The following AR variants were observed in gnomAD, a reference collection of about 807,000 sequenced individuals.
The protein encoded by AR is dihydrotestosterone receptor.
AR carries 8 observed loss-of-function variants against 53.9 expected under a neutral mutation model. The ratio of observed to expected loss-of-function variants is 0.15; its 90% CI spans 0.09 to 0.27. The LOEUF is 0.27. Among genes scored for constraint, AR ranks in the 10% least tolerant of loss-of-function variants. The pLI is 1.00. For synonymous variants in AR, 359 were observed against 316.4 expected (o/e 1.13, Z -1.43); for missense variants, 639 against 742.5 (o/e 0.86, Z 1.62).
chrX:67,592,786 C>T (rs967657693), intron 1 of AR, among the ~76,000 whole-genome samples: 2 of 110,517 alleles, frequency 1.8e-5, no homozygotes, highest in Non-Finnish European at 3.8e-5. Context: ...CTAAAAGGAA[C>T]GGTTAGATAC....
intron 2 of AR, among the ~76,000 whole-genome samples, chrX:67,653,515 G>A (rs917276933): frequency 9.0e-6 from 1 of 111,603 alleles, no homozygotes; most frequent in African/African-American, 3.3e-5. Flanking sequence ...ACTTCAGGAG[G>A]AGGGAACAGG....
intron 1 of AR, among the ~76,000 whole-genome samples, chrX:67,557,338 GT>G (rs1198509832): frequency 8.9e-6 from 1 of 111,869 alleles, no homozygotes; most frequent in African/African-American, 3.3e-5. Context: ...TGATTGCCAA[GT>G]TTTTGGTCTG....
At chrX:67,705,496 G>C (rs1176931410) in intron 3 of AR, among the ~76,000 whole-genome samples, 1 of 111,731 alleles carries the variant, frequency 9.0e-6, no homozygotes, top group East Asian at 2.8e-4. Flanking sequence ...CATTGATTTT[G>C]TATCCTGAGA....
chrX:67,719,839 CTAA>C (rs1170689955), intron 5 of AR, among the ~76,000 whole-genome samples: 4 of 111,844 alleles, frequency 3.6e-5, no homozygotes, highest in Non-Finnish European at 7.5e-5. Context: ...TCCTAAGGTG[CTAA>C]TGGGGAGCCT....
At chrX:67,596,503 T>A (rs1221149091) in intron 1 of AR, among the ~76,000 whole-genome samples, 5 of 112,070 alleles carry the variant, frequency 4.5e-5, no homozygotes, top group African/African-American at 1.6e-4. Flanking sequence ...TAAAATGGTT[T>A]AAAAAATCTA....
chrX:67,684,772 C>T (rs971665932), intron 2 of AR, among the ~76,000 whole-genome samples: 13 of 111,782 alleles, frequency 1.2e-4, no homozygotes, highest in Non-Finnish European at 1.7e-4. Flanking sequence ...CATAAAATAG[C>T]CTACTATAAT....
chrX:67,635,924 G>C (rs201519083), intron 1 of AR, among the ~76,000 whole-genome samples: 5 of 111,344 alleles, frequency 4.5e-5, no homozygotes, highest in African/African-American at 1.6e-4. Context: ...TTTGCAATTA[G>C]GATGTTATCT....
chrX:67,590,617 A>G (rs1922786062), intron 1 of AR, among the ~76,000 whole-genome samples: 1 of 111,754 alleles, frequency 8.9e-6, no homozygotes, highest in Non-Finnish European at 1.9e-5. Context: ...TATTATCTCA[A>G]CTCTTCTATT....
chrX:67,625,865 T>G (rs1242440272), intron 1 of AR, among the ~76,000 whole-genome samples: 1 of 111,274 alleles, frequency 9.0e-6, no homozygotes, highest in Non-Finnish European at 1.9e-5. Context: ...TTTTTGGCTA[T>G]AACACCAAAA....
At chrX:67,649,718 T>C (rs1333713741) in intron 2 of AR, among the ~76,000 whole-genome samples, 3 of 111,827 alleles carry the variant, frequency 2.7e-5, no homozygotes, top group Non-Finnish European at 3.8e-5. Context: ...CTTTCTGGTG[T>C]GGTTGGTTAT....
At chrX:67,643,564 G>A (rs1368186969) in intron 2 of AR, among the ~76,000 whole-genome samples, 157 bp downstream of exon 2, 5 of 112,033 alleles carry the variant, frequency 4.5e-5, no homozygotes, top group African/African-American at 1.3e-4. Flanking sequence ...GCAAATTTTT[G>A]TACTTGCTAG....
intron 4 of AR, among the ~76,000 whole-genome samples, chrX:67,712,247 A>G (rs1295843908): frequency 8.9e-6 from 1 of 112,112 alleles, no homozygotes; most frequent in Non-Finnish European, 1.9e-5. Context: ...CTCTATCTGT[A>G]TAATGTATAA....
intron 2 of AR, among the ~76,000 whole-genome samples, chrX:67,682,611 T>G (rs1260378188): frequency 8.9e-6 from 1 of 111,740 alleles, no homozygotes; most frequent in Non-Finnish European, 1.9e-5. Flanking sequence ...TTATTAAACT[T>G]TGTAAACTAA....
chrX:67,720,405 C>T (rs1033317799), intron 5 of AR, among the ~76,000 whole-genome samples: 1 of 110,696 alleles, frequency 9.0e-6, no homozygotes, highest in Non-Finnish European at 1.9e-5. Context: ...TTAAAGGAAT[C>T]CTCATTCCAG....
intron 3 of AR, among the ~76,000 whole-genome samples, chrX:67,701,890 C>T (rs12010355): frequency 4.9e-4 from 55 of 111,960 alleles, no homozygotes; most frequent in African/African-American, 1.7e-3. Context: ...TCATAGCCTC[C>T]TGTCTATTCC....
chrX:67,546,629 A>G lies in AR; in HGVS notation c.1483A>G (p.Ser495Gly), dbSNP rs2147322644. 8.4e-7 allele frequency: 1 copy of G among 1,197,112 alleles called. No individual in the cohort carries two copies. Among genetic ancestry groups the G allele is most frequent in the Non-Finnish European group, 1.1e-6 (1 of 888,634 alleles). ...CCCTCAGGGGCTGGCGGGCCAGGAA[A>G]GCGACTTCACCGCACCTGATGTGTG... ...RPPQGLAGQESDFTAPDVWYP... is the reference protein window; with the variant it reads ...RPPQGLAGQEGDFTAPDVWYP... Residue 495 changes from serine (S) to glycine (G), a missense_variant, in exon 1 of 8, where the codon AGC (serine) becomes GGC (glycine). Coordinates refer to ENST00000374690, the MANE Select transcript of AR (RefSeq NM_000044.6).
chrX:67,665,425 G>C lies in AR; in HGVS notation c.1769-20585G>C, dbSNP rs184489524. Among the ~76,000 whole-genome samples, 15 of 112,209 alleles carry C rather than the reference G, an allele frequency of 1.3e-4. No homozygotes were observed. The East Asian group carries it at 2.8e-3, about 21-fold the overall frequency. ...TGAGGGAGAACAAACTAGAAATCCAGTATAGAAAATAAAAATAGGATTATA... is the reference window on the plus strand; with the variant it reads ...TGAGGGAGAACAAACTAGAAATCCACTATAGAAAATAAAAATAGGATTATA... On this transcript the variant is annotated intron_variant, in intron 2 of 7. Coordinates refer to ENST00000374690, the MANE Select transcript of AR (RefSeq NM_000044.6).
chrX:67,646,068 AGTATT>A (rs1926042844), intron 2 of AR, among the ~76,000 whole-genome samples: 1 of 112,241 alleles, frequency 8.9e-6, no homozygotes, highest in Non-Finnish European at 1.9e-5. Flanking sequence ...ACTCGGACTG[AGTATT>A]CAGAGTCTTG....
rs1198205033 is a variant in AR, at chrX:67,716,966, A to T, written c.2174-512A>T. Among the ~76,000 whole-genome samples, 30 of 111,553 alleles carry T rather than the reference A, an allele frequency of 2.7e-4. 1 individual carries two copies. In the Admixed American group the frequency reaches 2.9e-3, roughly 11 times the overall value. Reference sequence around the variant, plus strand: ...TGTATGATCTTGGACAAGTTCCTTAACCTCTCTCTGACTCACTTGTACTGG... The same window carrying T: ...TGTATGATCTTGGACAAGTTCCTTATCCTCTCTCTGACTCACTTGTACTGG... On this transcript the variant is annotated intron_variant, in intron 4 of 7. Coordinates refer to ENST00000374690, the MANE Select transcript of AR (RefSeq NM_000044.6).
Sources: gnomAD v4.1 joint callset for allele counts (sites outside exome capture counted in the v4.1 genomes callset) on GRCh38, gnomAD v4.1.1 for gene constraint, MANE v1.5 for transcripts, NCBI Gene and HGNC (gene_info 2026-07-23, HGNC 2026-07-21) for gene names.